PHKA1: variants seen among roughly 807,000 people sequenced by gnomAD.
PHKA1 encodes phosphorylase kinase regulatory subunit alpha 1, also known as phosphorylase b kinase regulatory subunit alpha, skeletal muscle isoform.
In PHKA1, 60 loss-of-function variants were observed where a neutral mutation model predicts 110.2. That is an observed-to-expected ratio of 0.54 (90% CI 0.44 to 0.68). The LOEUF (loss-of-function observed/expected upper bound fraction) is 0.68. PHKA1 is among the 30% of genes least tolerant of loss of function. The probability of loss-of-function intolerance (pLI) is 0.00; values close to 1 mark genes in which losing one functional copy is unlikely to be tolerated. For synonymous variants in PHKA1, 316 were observed against 333.6 expected (o/e 0.95, Z 0.58); for missense variants, 801 against 942.5 (o/e 0.85, Z 1.97).
intron 21 of PHKA1, among the ~76,000 whole-genome samples, chrX:72,613,866 A>G (rs2052850677): frequency 1.8e-5 from 2 of 111,961 alleles, no homozygotes; most frequent in South Asian, 7.5e-4. Flanking sequence ...AATCATGACA[A>G]AACAACACAT....
intron 14 of PHKA1, among the ~76,000 whole-genome samples, chrX:72,640,860 T>C (rs1020766918): frequency 2.7e-5 from 3 of 111,581 alleles, no homozygotes; most frequent in Non-Finnish European, 5.7e-5. Flanking sequence ...TAAAGATTTG[T>C]ACACAGGCAA....
In PHKA1 at chrX:72,682,960, A is replaced by T. The variant is rs782435877; in HGVS notation, c.537+1538T>A. On this transcript the variant is annotated intron_variant, in intron 5 of 31. Coordinates refer to ENST00000373542, the MANE Select transcript of PHKA1 (RefSeq NM_002637.4). ...AAAAAAAAAAAAAAAAAAAAAAAAGAAAGTTTTTCAGGCAGAAGGAAATAA... is the reference window on the plus strand; with the variant it reads ...AAAAAAAAAAAAAAAAAAAAAAAAGTAAGTTTTTCAGGCAGAAGGAAATAA... Among the ~76,000 whole-genome samples, 70 of 101,707 alleles carry T rather than the reference A, an allele frequency of 6.9e-4. No homozygotes were observed. In the East Asian group the frequency reaches 0.022, roughly 32 times the overall value. 88.3% of individuals were successfully genotyped at this position (101,707 alleles called of 115,157 possible).
At chrX:72,604,851 C>T (rs1556248388) in intron 25 of PHKA1, among the ~76,000 whole-genome samples, 1 of 111,697 alleles carries the variant, frequency 9.0e-6, no homozygotes, top group African/African-American at 3.2e-5. Flanking sequence ...ATGTCATCTT[C>T]CTTTATTCAG....
At chrX:72,652,376 T>G (rs781929858) in intron 12 of PHKA1, among the ~76,000 whole-genome samples, 168 bp downstream of exon 12, 2 of 111,531 alleles carry the variant, frequency 1.8e-5, no homozygotes, top group African/African-American at 3.3e-5. Context: ...GAGCTTTTTG[T>G]GAGGGTTGGC....
intron 10 of PHKA1, among the ~76,000 whole-genome samples, chrX:72,654,966 T>C (rs896713642): frequency 9.2e-6 from 1 of 108,937 alleles, no homozygotes; most frequent in Non-Finnish European, 1.9e-5. Context: ...CCCGGCTAAT[T>C]TTTTGTATTT....
intron 2 of PHKA1, among the ~76,000 whole-genome samples, chrX:72,708,102 A>C (rs2147846148): frequency 9.0e-6 from 1 of 111,416 alleles, no homozygotes; most frequent in Admixed American, 9.6e-5. Flanking sequence ...AAATTTTTGC[A>C]GGTGGCAATG....
Position 72,635,258 on chromosome X carries a change from C to T in PHKA1, c.1611G>A (p.Lys537=), listed in dbSNP as rs373300747. 9.9e-6 allele frequency: 12 copies of T among 1,208,996 alleles called. No homozygotes were observed. Among genetic ancestry groups the T allele is most frequent in the African/African-American group, 7.0e-5 (4 of 57,151 alleles). Residue 537 remains lysine, a synonymous_variant, in exon 16 of 32, where the codon AAG becomes AAA. Transcript: ENST00000373542. ...QQQFYLALDN[K]MIVEMLRTDL... is the part of the protein sequence containing the mutation. ...CTGTTCTAAGCATTTCCACTATCAT[C>T]TTGTTGTCCAGAGCCAGGTAGAACT...
intron 18 of PHKA1, chrX:72,621,677 C>A: frequency 2.0e-6 from 1 of 490,345 alleles, no homozygotes; most frequent in Non-Finnish European, 2.5e-6. Flanking sequence ...TTTCTGTGCT[C>A]TGATGTGACT....
At chrX:72,645,610 T>C (rs1299105610) in intron 13 of PHKA1, among the ~76,000 whole-genome samples, 6 of 112,048 alleles carry the variant, frequency 5.4e-5, no homozygotes, top group Non-Finnish European at 1.1e-4. Context: ...GGAAGAATGA[T>C]AGGGGGCTGA....
chrX:72,710,042 C>CAAAAAA (rs374071163), intron 2 of PHKA1, among the ~76,000 whole-genome samples: 3 of 19,252 alleles, frequency 1.6e-4, no homozygotes, highest in Non-Finnish European at 1.9e-4. Context: ...ACTTAGTCTT[C>CAAAAAA]AAAAAAAAAA....
At chrX:72,619,355 T>C (rs376409799) in intron 19 of PHKA1, 50 bp from the exon 20 acceptor site, 12 of 740,337 alleles carry the variant, frequency 1.6e-5, no homozygotes, top group African/African-American at 6.2e-5. Context: ...AGGAGACTAA[T>C]AGAAATGCAC....
At chrX:72,616,202 CA>C (rs201625800) in intron 21 of PHKA1, among the ~76,000 whole-genome samples, 74 of 108,509 alleles carry the variant, frequency 6.8e-4, no homozygotes, top group African/African-American at 2.3e-3. Context: ...CCCAGCTCTG[CA>C]AAAAAAAATT....
intron 9 of PHKA1, 85 bp from the exon 10 acceptor site, chrX:72,656,327 T>C: frequency 3.0e-6 from 3 of 994,292 alleles, no homozygotes; most frequent in Middle Eastern, 5.3e-4. Flanking sequence ...CGGGTTTTCA[T>C]TACTGATTGT....
intron 29 of PHKA1, among the ~76,000 whole-genome samples, chrX:72,588,701 A>G (rs1556219278): frequency 9.0e-6 from 1 of 111,654 alleles, no homozygotes; most frequent in African/African-American, 3.3e-5. Context: ...AAAGAAGAAA[A>G]GAGAGAAGAA....
chrX:72,630,990 T>C (rs868978413), intron 16 of PHKA1, among the ~76,000 whole-genome samples: 2 of 90,059 alleles, frequency 2.2e-5, no homozygotes, highest in Non-Finnish European at 4.3e-5. Context: ...TCTGTTCATA[T>C]TTTTTCAGGT....
chrX:72,582,363 C>T (rs1249015294), intron 31 of PHKA1, 35 bp downstream of exon 31: 2 of 1,020,673 alleles, frequency 2.0e-6, no homozygotes, highest in African/African-American at 1.9e-5. Context: ...GGAGTAAAAA[C>T]ATTTCTCTAT....
In PHKA1 at chrX:72,606,729, C is replaced by T. The variant is rs186944279; in HGVS notation, c.2607-1110G>A. 3.3e-3 allele frequency among the ~76,000 whole-genome samples: 361 copies of T among 110,480 alleles called. 1 individual carries two copies. The highest frequency in any genetic ancestry group is 0.011 in the African/African-American group (349 of 30,374). On this transcript the variant is annotated intron_variant, in intron 23 of 31. Transcript: ENST00000373542. ...TGTGTTACAAACAATCCAATTACACCCTTTCAGTTATTTTAAAACGCACAA... is the reference window on the plus strand; with the variant it reads ...TGTGTTACAAACAATCCAATTACACTCTTTCAGTTATTTTAAAACGCACAA...
chrX:72,672,036 C>T (rs187060693), intron 6 of PHKA1, among the ~76,000 whole-genome samples: 68 of 112,333 alleles, frequency 6.1e-4, no homozygotes, highest in African/African-American at 2.1e-3. Flanking sequence ...TTTATATATC[C>T]TTTGAGATCC....
intron 9 of PHKA1, 22 bp downstream of exon 9, chrX:72,657,566 A>T (rs1197231060): frequency 8.6e-7 from 1 of 1,165,690 alleles, no homozygotes; most frequent in African/African-American, 1.8e-5. Flanking sequence ...CCTTGGATTC[A>T]TTTTGGAGAA....
Sources: gnomAD v4.1 joint callset for allele counts (sites outside exome capture counted in the v4.1 genomes callset) on GRCh38, gnomAD v4.1.1 for gene constraint, MANE v1.5 for transcripts, NCBI Gene and HGNC (gene_info 2026-07-23, HGNC 2026-07-21) for gene names.